The following ZNF804B variants were observed in gnomAD, a reference collection of about 807,000 sequenced individuals.
ZNF804B encodes the protein zinc finger 804B.
Under a neutral mutation model 101.4 loss-of-function variants are expected in ZNF804B, and 80 were observed. The ratio of observed to expected loss-of-function variants is 0.79; its 90% confidence interval spans 0.66 to 0.95. The LOEUF is 0.95. ZNF804B is among the 40% of genes least tolerant of loss of function. The pLI is 0.00. For missense variants in ZNF804B, 1,673 were observed against 1,561.9 expected (o/e 1.07, Z -1.20); for synonymous variants, 622 against 558.8 (o/e 1.11, Z -1.59).
chr7:89,267,822 A>G (rs1436399464), intron 2 of ZNF804B, among the ~76,000 whole-genome samples: 2 of 152,178 alleles, frequency 1.3e-5, no homozygotes, highest in African/African-American at 4.8e-5. Flanking sequence ...CTTGGGTAGG[A>G]TAGAAACATA....
At position 89,334,809 on chromosome 7, in the gene ZNF804B, T is replaced by C. The variant is rs1331156015; in HGVS notation, c.1827T>C (p.His609=). The C allele has an allele frequency of 1.9e-6, 3 of 1,613,688 alleles. No homozygotes were observed. The African/African-American group carries it at 4.0e-5, about 22-fold the overall frequency. ...ENKLKEASRA[H]WQGCRKAVLN... ...AACTTAAGGAAGCTTCAAGGGCCCA[T>C]TGGCAAGGCTGCAGAAAGGCAGTTC... Residue 609 remains histidine, a synonymous_variant, in exon 4 of 4, where the codon CAT becomes CAC. Coordinates refer to ENST00000333190, the MANE Select transcript of ZNF804B (RefSeq NM_181646.5).
intron 2 of ZNF804B, among the ~76,000 whole-genome samples, chr7:89,279,557 A>T (rs762641305): frequency 1.3e-4 from 20 of 151,986 alleles, no homozygotes; most frequent in Non-Finnish European, 1.5e-4. Context: ...AGTTTTTAGC[A>T]TGAAGCGTTG....
At chr7:88,859,604 T>C (rs933026093) in intron 1 of ZNF804B, among the ~76,000 whole-genome samples, 8 of 152,042 alleles carry the variant, frequency 5.3e-5, no homozygotes, top group Admixed American at 2.0e-4. Context: ...TTTCTAGTTT[T>C]GATCTGACAA....
At chr7:89,014,975 A>G (rs1489047963) in intron 1 of ZNF804B, among the ~76,000 whole-genome samples, 2 of 152,322 alleles carry the variant, frequency 1.3e-5, no homozygotes, top group East Asian at 3.9e-4. Context: ...GTAGTCTTAC[A>G]GTATGGGGAT....
chr7:88,877,025 T>TATATTTTTTTTTTTTGAAAAAAAA (rs1791955757), intron 1 of ZNF804B, among the ~76,000 whole-genome samples: 2 of 59,270 alleles, frequency 3.4e-5, no homozygotes, highest in Non-Finnish European at 2.7e-5. Context: ...TATATATATA[T>TATATTTTTTTTTTTTGAAAAAAAA]AATATATATA....
intron 1 of ZNF804B, among the ~76,000 whole-genome samples, chr7:88,820,102 A>T (rs1008666791): frequency 1.3e-5 from 2 of 152,196 alleles, no homozygotes; most frequent in African/African-American, 4.8e-5. Context: ...ATTTTTTAGC[A>T]AGTCCTGCTG....
intron 1 of ZNF804B, among the ~76,000 whole-genome samples, chr7:89,212,753 A>G (rs779936704): frequency 2.0e-5 from 3 of 152,142 alleles, no homozygotes; most frequent in African/African-American, 4.8e-5. Context: ...GATTTCCTTT[A>G]TAGGTGTAAA....
chr7:88,916,270 G>A (rs1019839502), intron 1 of ZNF804B, among the ~76,000 whole-genome samples: 1 of 152,048 alleles, frequency 6.6e-6, no homozygotes, highest in African/African-American at 2.4e-5. Context: ...GGAGAGCTCA[G>A]ATTTATGTAA....
At chr7:89,150,045 T>C (rs1429389402) in intron 1 of ZNF804B, among the ~76,000 whole-genome samples, 1 of 151,962 alleles carries the variant, frequency 6.6e-6, no homozygotes, top group Non-Finnish European at 1.5e-5. Context: ...AAGCAGAAAA[T>C]ATCAGAAATA....
chr7:88,897,314 G>T (rs1584003655), intron 1 of ZNF804B, among the ~76,000 whole-genome samples: 1 of 152,318 alleles, frequency 6.6e-6, no homozygotes, highest in Admixed American at 6.5e-5. Context: ...TTTGGCAAAA[G>T]ATGTCACAGT....
At chr7:89,264,537 GT>G (rs1289000171) in intron 2 of ZNF804B, among the ~76,000 whole-genome samples, 6 of 152,028 alleles carry the variant, frequency 3.9e-5, no homozygotes, top group African/African-American at 1.4e-4. Flanking sequence ...TTCAATCTCT[GT>G]TTACCCTCTT....
chr7:89,046,891 C>T (rs1341309130), intron 1 of ZNF804B, among the ~76,000 whole-genome samples: 1 of 151,896 alleles, frequency 6.6e-6, no homozygotes, highest in Non-Finnish European at 1.5e-5. Flanking sequence ...TTATTATGAT[C>T]AATTATTATT....
intron 1 of ZNF804B, among the ~76,000 whole-genome samples, chr7:88,997,157 C>T: frequency 6.6e-6 from 1 of 151,986 alleles, no homozygotes; most frequent in Non-Finnish European, 1.5e-5. Flanking sequence ...TGGTTTCACC[C>T]AGCACTAGAT....
At chr7:89,143,570 A>C (rs1452805592) in intron 1 of ZNF804B, among the ~76,000 whole-genome samples, 1 of 152,050 alleles carries the variant, frequency 6.6e-6, no homozygotes, top group African/African-American at 2.4e-5. Flanking sequence ...CTATTTGTAA[A>C]GTGCTTATTT....
At chr7:88,773,413 C>T (rs947203427) in intron 1 of ZNF804B, among the ~76,000 whole-genome samples, 3 of 152,074 alleles carry the variant, frequency 2.0e-5, no homozygotes, top group Admixed American at 6.6e-5. Context: ...TTCATTCATT[C>T]TGTCAGTCAG....
intron 1 of ZNF804B, among the ~76,000 whole-genome samples, chr7:88,812,790 C>T (rs148531609): frequency 6.6e-6 from 1 of 152,016 alleles, no homozygotes; most frequent in African/African-American, 2.4e-5. Flanking sequence ...TGAAATAAGC[C>T]AGTCACACAC....
Position 89,336,867 on chromosome 7 carries a change from G to A in ZNF804B, c.3885G>A (p.Leu1295=). 6.2e-7 allele frequency: 1 copy of A among 1,613,908 alleles called. No individual in the cohort carries two copies. Among genetic ancestry groups the A allele is most frequent in the East Asian group, 2.2e-5 (1 of 44,864 alleles). The part of the protein sequence containing the change: ...PLPPTAFIPT[L]FGPHLNPATT... ...CCCCTACAGCATTTATTCCTACATTGTTTGGTCCTCACTTAAATCCAGCCA... is the reference window on the plus strand; with the variant it reads ...CCCCTACAGCATTTATTCCTACATTATTTGGTCCTCACTTAAATCCAGCCA... Residue 1295 remains leucine (L), a synonymous_variant, in exon 4 of 4, where the codon TTG becomes TTA. Coordinates refer to ENST00000333190, the MANE Select transcript of ZNF804B (RefSeq NM_181646.5).
intron 1 of ZNF804B, among the ~76,000 whole-genome samples, chr7:88,960,350 T>C (rs1782180717): frequency 6.6e-6 from 1 of 151,260 alleles, no homozygotes; most frequent in South Asian, 2.1e-4. Flanking sequence ...ACTTGAGCTA[T>C]ACCAAAAATA....
At chr7:89,245,221 TA>T (rs529352044) in intron 2 of ZNF804B, among the ~76,000 whole-genome samples, 5,424 of 151,842 alleles carry the variant, frequency 0.036, 303 homozygotes, top group African/African-American at 0.12. Context: ...AGCAAGTAAA[TA>T]AAAACTCAGA....
Sources: gnomAD v4.1 joint callset for allele counts (sites outside exome capture counted in the v4.1 genomes callset) on GRCh38, gnomAD v4.1.1 for gene constraint, MANE v1.5 for transcripts, NCBI Gene and HGNC (gene_info 2026-07-23, HGNC 2026-07-21) for gene names.